Variants in PLCL1 observed in about 807,000 individuals in gnomAD.
PLCL1 encodes the protein inactive phospholipase C-like protein 1.
A neutral mutation model predicts 84.4 loss-of-function variants in PLCL1; 41 were observed. The observed-to-expected ratio is 0.49, with a 90% CI of 0.38 to 0.63. The LOEUF is 0.63. PLCL1 is among the 30% of genes least tolerant of loss of function. The pLI, the probability that PLCL1 is intolerant of heterozygous loss-of-function variation, is 0.00. For synonymous variants in PLCL1, 490 were observed against 488.3 expected (o/e 1.00, Z -0.05); for missense variants, 1,206 against 1,367.8 (o/e 0.88, Z 1.87).
intron 1 of PLCL1, among the ~76,000 whole-genome samples, chr2:197,923,376 T>G (rs7590725): frequency 0.26 from 34,367 of 134,626 alleles, 4,995 homozygotes; most frequent in East Asian, 0.47. Flanking sequence ...CAGCTGCCGG[T>G]CGGAGGGTCT....
chr2:197,933,080 T>G (rs954551952), intron 1 of PLCL1, among the ~76,000 whole-genome samples: 5 of 152,184 alleles, frequency 3.3e-5, no homozygotes, highest in Non-Finnish European at 5.9e-5. Context: ...GCCCTTGACT[T>G]AAAGGTATGA....
Position 198,147,126 on chromosome 2 carries a change from C to T in PLCL1, c.*164C>T. The stretch of plus-strand genomic sequence containing the variant: ...CAGTATTTCAGTGTAGTTAATTTAT[C>T]TAAATTAAAGCCTTTAGTATCAGTG... On this transcript the variant is annotated 3_prime_UTR_variant, in exon 6 of 6. Transcript: ENST00000428675. 1.8e-6 allele frequency: 1 copy of T among 547,470 alleles called. No homozygotes were observed. Among genetic ancestry groups the T allele is most frequent in the Non-Finnish European group, 3.1e-6 (1 of 318,060 alleles). 33.9% of individuals were successfully genotyped at this position (547,470 alleles called of 1,614,324 possible).
At chr2:198,128,019 G>A (rs1429529722) in intron 5 of PLCL1, among the ~76,000 whole-genome samples, 2 of 152,146 alleles carry the variant, frequency 1.3e-5, no homozygotes, top group African/African-American at 2.4e-5. Context: ...AAATTAGGAT[G>A]CTATGAAACA....
At position 197,805,134 on chromosome 2, in the gene PLCL1, C is replaced by T. The variant is rs1408322215; in HGVS notation, c.35C>T (p.Ala12Val). 7.6e-7 allele frequency: 1 copy of T among 1,312,246 alleles called. No homozygotes were observed. Among genetic ancestry groups the T allele is most frequent in the Non-Finnish European group, 9.7e-7 (1 of 1,035,538 alleles). 81.3% of individuals were successfully genotyped at this position (1,312,246 alleles called of 1,614,324 possible). A position where few individuals can be genotyped will look rare whatever the true frequency, so the allele number is the denominator to read the frequency against. Reference sequence around the variant, plus strand: ...GGCGCGGCCGGCAGGGAGGATCCGGCGCCGCCCGACGCGGCGGGGGGCGAA... The same window carrying T: ...GGCGCGGCCGGCAGGGAGGATCCGGTGCCGCCCGACGCGGCGGGGGGCGAA... Reference protein sequence around the residue: ...AEGAAGREDPAPPDAAGGEDD... With the variant: ...AEGAAGREDPVPPDAAGGEDD... The change falls in exon 1 of 6, where the codon GCG becomes GTG. Residue 12 changes from alanine to valine, a missense_variant. Physicochemically the swap from Ala to Val is moderately conservative, Grantham distance 64. Coordinates refer to ENST00000428675, the MANE Select transcript of PLCL1 (RefSeq NM_006226.4). This position sits in a 1 kb window ranked among gnomAD's most constrained non-coding sequence, Gnocchi z 4.0.
At chr2:197,822,980 T>C (rs984421022) in intron 1 of PLCL1, among the ~76,000 whole-genome samples, 28 of 152,208 alleles carry the variant, frequency 1.8e-4, no homozygotes, top group Non-Finnish European at 5.9e-5. Flanking sequence ...TTCAATTTAA[T>C]ATGATGTATA....
At chr2:197,891,228 A>C (rs558630294) in intron 1 of PLCL1, among the ~76,000 whole-genome samples, 17 of 152,282 alleles carry the variant, frequency 1.1e-4, no homozygotes, top group Middle Eastern at 3.4e-3. Flanking sequence ...GTGGACAACA[A>C]CAGAGCCACA....
At chr2:198,089,138 A>G in intron 3 of PLCL1, 77 bp downstream of exon 3, 5 of 1,019,222 alleles carry the variant, frequency 4.9e-6, no homozygotes, top group Non-Finnish European at 7.7e-6. Context: ...CCTCTGTGGA[A>G]CTCCAATGAA....
intron 1 of PLCL1, among the ~76,000 whole-genome samples, chr2:198,066,509 A>G (rs982755715): frequency 1.3e-5 from 2 of 152,194 alleles, no homozygotes; most frequent in African/African-American, 4.8e-5. Context: ...TTAGTTCAGT[A>G]TACTGGGAAC....
intron 1 of PLCL1, among the ~76,000 whole-genome samples, chr2:197,961,411 T>C: frequency 6.6e-6 from 1 of 152,086 alleles, no homozygotes; most frequent in East Asian, 1.9e-4. Flanking sequence ...TTATTAACTC[T>C]AGCCAGTTGC....
Position 197,922,980 on chromosome 2 carries a change from G to A in PLCL1, c.240+117641G>A, listed in dbSNP as rs1221789127. On this transcript the variant is annotated intron_variant, in intron 1 of 5. Transcript: ENST00000428675. ...GACCCCCCCACCTCCCTCCCGGACCGGGCGGCTGGCCGGGCAGAGGGGCTC... is the reference window on the plus strand; with the variant it reads ...GACCCCCCCACCTCCCTCCCGGACCAGGCGGCTGGCCGGGCAGAGGGGCTC... Among the ~76,000 whole-genome samples the A allele has an allele frequency of 5.0e-4, 60 of 119,368 alleles. 1 individual carries two copies. The highest frequency in any genetic ancestry group is 1.9e-3 in the African/African-American group (59 of 31,536). The allele number at this position is 119,368 out of a possible 152,430, so 78.3% of individuals were successfully genotyped here. A position where few individuals can be genotyped will look rare whatever the true frequency, so the allele number is the denominator to read the frequency against.
chr2:197,859,639 T>C (rs1413284794), intron 1 of PLCL1, among the ~76,000 whole-genome samples: 1 of 152,142 alleles, frequency 6.6e-6, no homozygotes, highest in Non-Finnish European at 1.5e-5. Context: ...GTAGTGGTCA[T>C]AAAGTCGTAG....
At chr2:197,860,105 T>G (rs62277886) in intron 1 of PLCL1, among the ~76,000 whole-genome samples, 3 of 152,132 alleles carry the variant, frequency 2.0e-5, no homozygotes, top group Non-Finnish European at 4.4e-5. Context: ...TAGCTCCCAC[T>G]TACAAATAAG....
intron 1 of PLCL1, among the ~76,000 whole-genome samples, chr2:198,012,084 A>G (rs972546734): frequency 1.3e-5 from 2 of 152,114 alleles, no homozygotes; most frequent in African/African-American, 4.8e-5. Flanking sequence ...TAAGTGAAGC[A>G]ACTTTATAGG....
At chr2:197,929,584 A>C (rs1688895630) in intron 1 of PLCL1, among the ~76,000 whole-genome samples, 1 of 152,210 alleles carries the variant, frequency 6.6e-6, no homozygotes, top group African/African-American at 2.4e-5. Context: ...TCAGAAGGTT[A>C]GGTAGAAGGG....
intron 1 of PLCL1, among the ~76,000 whole-genome samples, chr2:197,820,347 G>A (rs1690791838): frequency 6.6e-6 from 1 of 152,066 alleles, no homozygotes; most frequent in African/African-American, 2.4e-5. Flanking sequence ...TAGTTCTAGA[G>A]TCATTTATTG....
intron 1 of PLCL1, among the ~76,000 whole-genome samples, chr2:198,062,614 T>A (rs1173569914): frequency 1.3e-5 from 2 of 152,234 alleles, no homozygotes; most frequent in Non-Finnish European, 2.9e-5. Flanking sequence ...AGCCATCATA[T>A]AATTAAATGC....
intron 1 of PLCL1, among the ~76,000 whole-genome samples, chr2:197,897,992 A>G (rs139495821): frequency 2.0e-5 from 3 of 152,322 alleles, no homozygotes; most frequent in African/African-American, 7.2e-5. Context: ...AGTTTGTGCC[A>G]TATATTATAG....
Position 198,105,601 on chromosome 2 carries a change from G to GGTGTGTGTGTGTGTGT in PLCL1, c.3105+1688_3105+1703dup, listed in dbSNP as rs72103336. Reference sequence around the variant, plus strand: ...GCCCATGTGTGAGATTAATTTGCCTGGTGTGTGTGTGTGTGTGTGTGTGTG... The same window carrying GGTGTGTGTGTGTGTGT: ...GCCCATGTGTGAGATTAATTTGCCTGGTGTGTGTGTGTGTGTGTGTGTGTGTGTGTGTGTGTGTGTG... On this transcript the variant is annotated intron_variant, in intron 5 of 5. Coordinates refer to ENST00000428675, the MANE Select transcript of PLCL1 (RefSeq NM_006226.4). Among the ~76,000 whole-genome samples the GGTGTGTGTGTGTGTGT allele has an allele frequency of 5.5e-4, 79 of 143,826 alleles. 1 individual carries two copies. The highest frequency in any genetic ancestry group is 4.6e-4 in the South Asian group (2 of 4,346). 94.4% of individuals were successfully genotyped at this position (143,826 alleles called of 152,430 possible).
chr2:198,054,717 A>G (rs1412467635), intron 1 of PLCL1, among the ~76,000 whole-genome samples: 2 of 152,232 alleles, frequency 1.3e-5, no homozygotes, highest in Non-Finnish European at 2.9e-5. Context: ...AAAATTTCAG[A>G]GACATTTTTG....
Sources: gnomAD v4.1 joint callset for allele counts (sites outside exome capture counted in the v4.1 genomes callset) on GRCh38, gnomAD v4.1.1 for gene constraint, Gnocchi (gnomAD v3.1) non-coding constraint, MANE v1.5 for transcripts, NCBI Gene and HGNC (gene_info 2026-07-23, HGNC 2026-07-21) for gene names.